The following LHFPL3 variants were observed in gnomAD, a reference collection of about 807,000 sequenced individuals.
LHFPL3 encodes the protein LHFPL tetraspan subfamily member 3 protein.
LHFPL3 carries 5 observed loss-of-function variants against 19.3 expected under a neutral mutation model. That is an observed-to-expected ratio of 0.26 (90% CI 0.14 to 0.54). The LOEUF (loss-of-function observed/expected upper bound fraction) is 0.54. Among genes scored for constraint, LHFPL3 ranks in the 20% least tolerant of loss-of-function variants. The pLI, the probability that LHFPL3 is intolerant of heterozygous loss-of-function variation, is 0.94. For missense variants in LHFPL3, 249 were observed against 307.4 expected, an observed-to-expected ratio of 0.81 and a Z score of 1.42; for synonymous variants, 133 against 126.2, an observed-to-expected ratio of 1.05 and a Z score of -0.36.
chr7:104,842,862 C>T (rs773060500), intron 2 of LHFPL3, among the ~76,000 whole-genome samples: 1 of 152,220 alleles, frequency 6.6e-6, no homozygotes, highest in Non-Finnish European at 1.5e-5. Flanking sequence ...CTCTAAGTAT[C>T]TTCTGCTCTT....
Position 104,702,855 on chromosome 7 carries a change from C to A in LHFPL3, c.446-33820C>A, listed in dbSNP as rs561482641. Among the ~76,000 whole-genome samples the A allele has an allele frequency of 9.2e-5, 14 of 152,296 alleles. No individual in the cohort carries two copies. In the East Asian group the frequency reaches 9.7e-4, roughly 11 times the overall value. On this transcript the variant is annotated intron_variant, in intron 1 of 2. Coordinates refer to ENST00000424859, the MANE Select transcript of LHFPL3 (RefSeq NM_199000.3). The stretch of plus-strand genomic sequence containing the variant: ...TGCATATTCTGAGCTGTGGCCTCTT[C>A]CACATTGTTTCATCATTTACTGCTT...
chr7:104,464,003 G>A (rs185072967), intron 1 of LHFPL3, among the ~76,000 whole-genome samples: 8 of 152,252 alleles, frequency 5.3e-5, no homozygotes, highest in Admixed American at 5.2e-4. Flanking sequence ...AGTCCCTTCT[G>A]CCTATGAGCC....
chr7:104,668,826 G>A (rs4506142), intron 1 of LHFPL3: 254,759 of 1,611,322 alleles, frequency 0.16, 20,716 homozygotes, highest in Non-Finnish European at 0.17. Flanking sequence ...TCTATCTTTG[G>A]AGGGGCAAAG....
rs117455533 is a variant in LHFPL3 at position 104,383,019 on chromosome 7, G to A, written c.445+53795G>A. ...TGAAGAAACTGAGGCGCCGTGAGGC[G>A]CTAATACATGGCAGAGCCAGGCTCA... On this transcript the variant is annotated intron_variant, in intron 1 of 2. Transcript: ENST00000424859. 5.9e-5 allele frequency among the ~76,000 whole-genome samples: 9 copies of A among 152,222 alleles called. No homozygotes were observed. The East Asian group carries it at 1.7e-3, about 29-fold the overall frequency.
intron 2 of LHFPL3, among the ~76,000 whole-genome samples, chr7:104,784,527 A>G (rs1053457909): frequency 1.3e-5 from 2 of 152,230 alleles, no homozygotes; most frequent in African/African-American, 4.8e-5. Flanking sequence ...CAAGTAGACT[A>G]TGAAAAACAG....
chr7:104,849,120 G>A (rs1426437505), intron 2 of LHFPL3, among the ~76,000 whole-genome samples: 1 of 152,086 alleles, frequency 6.6e-6, no homozygotes, highest in African/African-American at 2.4e-5. Context: ...TAGTAGAGTT[G>A]GGGTTTCACT....
chr7:104,453,238 ATT>A (rs71519177), intron 1 of LHFPL3, among the ~76,000 whole-genome samples: 5 of 147,168 alleles, frequency 3.4e-5, no homozygotes, highest in African/African-American at 9.9e-5. Context: ...AAGGTGGAGA[ATT>A]TTTTTTTTTT....
intron 1 of LHFPL3, among the ~76,000 whole-genome samples, chr7:104,641,563 G>A (rs1349816210): frequency 1.3e-5 from 2 of 152,204 alleles, no homozygotes; most frequent in Admixed American, 6.5e-5. Flanking sequence ...TAGTATTTGA[G>A]TATACACTTC....
At chr7:104,435,884 AGAAATAAG>A (rs375324104) in intron 1 of LHFPL3, among the ~76,000 whole-genome samples, 629 of 152,198 alleles carry the variant, frequency 4.1e-3, no homozygotes, top group African/African-American at 0.015. Context: ...TTCAAGCTGC[AGAAATAAG>A]GCCATTTTCA....
chr7:104,660,564 CAG>C (rs1201457709), intron 1 of LHFPL3, among the ~76,000 whole-genome samples: 3 of 152,154 alleles, frequency 2.0e-5, no homozygotes, highest in Non-Finnish European at 4.4e-5. Context: ...ATTTGGGTGT[CAG>C]AGAGAGTTAG....
At chr7:104,446,030 T>C (rs1792324589) in intron 1 of LHFPL3, among the ~76,000 whole-genome samples, 1 of 152,226 alleles carries the variant, frequency 6.6e-6, no homozygotes, top group African/African-American at 2.4e-5. Flanking sequence ...TGATGCCTTC[T>C]CAGTGGGACA....
intron 2 of LHFPL3, among the ~76,000 whole-genome samples, chr7:104,851,264 G>C (rs377564987): frequency 6.6e-6 from 1 of 152,314 alleles, no homozygotes; most frequent in African/African-American, 2.4e-5. Context: ...TGAGAGAAAA[G>C]AAAGAACAGG....
intron 1 of LHFPL3, among the ~76,000 whole-genome samples, chr7:104,462,820 G>C (rs559574839): frequency 2.6e-5 from 4 of 152,272 alleles, no homozygotes; most frequent in African/African-American, 9.6e-5. Context: ...AATGGTGCCA[G>C]CTCTAATTTG....
intron 1 of LHFPL3, among the ~76,000 whole-genome samples, chr7:104,471,506 T>G (rs185738858): frequency 6.6e-6 from 1 of 152,300 alleles, no homozygotes; most frequent in African/African-American, 2.4e-5. Context: ...GAAACAGATG[T>G]TTAGGTAACT....
chr7:104,819,145 A>C (rs1437627881), intron 2 of LHFPL3, among the ~76,000 whole-genome samples: 1 of 152,118 alleles, frequency 6.6e-6, no homozygotes, highest in Non-Finnish European at 1.5e-5. Flanking sequence ...GCAACTGAAA[A>C]TCTTCCATCT....
intron 1 of LHFPL3, among the ~76,000 whole-genome samples, chr7:104,578,451 G>A (rs1461095136): frequency 5.3e-5 from 8 of 152,170 alleles, no homozygotes; most frequent in Non-Finnish European, 1.0e-4. Flanking sequence ...CTAGGCCCCA[G>A]GCAGGTAGGC....
intron 1 of LHFPL3, among the ~76,000 whole-genome samples, chr7:104,569,316 C>G (rs1790182677): frequency 6.6e-6 from 1 of 152,152 alleles, no homozygotes; most frequent in African/African-American, 2.4e-5. Flanking sequence ...TATTAGTCAT[C>G]TTTGTATCAC....
At chr7:104,489,386 T>A (rs13308490) in intron 1 of LHFPL3, among the ~76,000 whole-genome samples, 1 of 151,794 alleles carries the variant, frequency 6.6e-6, no homozygotes, top group Admixed American at 6.6e-5. Context: ...GGACTCTGCA[T>A]TTTCATTTTG....
chr7:104,586,930 G>A (rs1376001185), intron 1 of LHFPL3, among the ~76,000 whole-genome samples: 1 of 152,078 alleles, frequency 6.6e-6, no homozygotes, highest in Non-Finnish European at 1.5e-5. Flanking sequence ...AAATGTCCCT[G>A]TTGAAAGATT....
Sources: allele counts gnomAD v4.1 joint callset (sites outside exome capture counted in the v4.1 genomes callset), GRCh38; gene constraint gnomAD v4.1.1; transcripts MANE v1.5; gene names NCBI Gene and HGNC (gene_info 2026-07-23, HGNC 2026-07-21).